The following TMEM161B variants were observed in gnomAD, a reference collection of about 807,000 sequenced individuals.
TMEM161B encodes the protein transmembrane protein 161B.
TMEM161B carries 34 observed loss-of-function variants against 61.8 expected under a neutral mutation model. That is an observed-to-expected ratio of 0.55 (90% CI 0.42 to 0.73). The LOEUF (loss-of-function observed/expected upper bound fraction) is 0.73, where lower values mean the gene tolerates loss of function less well. TMEM161B is among the 30% of genes least tolerant of loss of function. TMEM161B has a pLI of 0.00. For synonymous variants in TMEM161B, 167 were observed against 192.8 expected (o/e 0.87, Z 1.11); for missense variants, 456 against 558.5 (o/e 0.82, Z 1.85).
intron 4 of TMEM161B, among the ~76,000 whole-genome samples, chr5:88,224,343 T>C (rs1162601180): frequency 6.6e-6 from 1 of 152,200 alleles, no homozygotes; most frequent in Non-Finnish European, 1.5e-5. Flanking sequence ...CAAGTGGTTT[T>C]GATATATCCC....
intron 2 of TMEM161B, among the ~76,000 whole-genome samples, chr5:88,234,693 G>A (rs1751561206): frequency 6.6e-6 from 1 of 152,114 alleles, no homozygotes; most frequent in South Asian, 2.1e-4. Flanking sequence ...TTAGAATGTA[G>A]CATGTAGAAT....
intron 1 of TMEM161B, among the ~76,000 whole-genome samples, chr5:88,254,664 C>A (rs1754744190): frequency 6.6e-6 from 1 of 151,888 alleles, no homozygotes; most frequent in Non-Finnish European, 1.5e-5. Context: ...TAGCGAGACA[C>A]CCTTCTACCA....
rs1252509029 is a variant in TMEM161B, at chr5:88,195,537, T to C, written c.*674A>G. Reference sequence around the variant, plus strand: ...AAACCTAATGGCAAGATTACAAATGTTCATATGGCCAATCATTTTAAAAGA... The same window carrying C: ...AAACCTAATGGCAAGATTACAAATGCTCATATGGCCAATCATTTTAAAAGA... On this transcript the variant is annotated 3_prime_UTR_variant, in exon 12 of 12. Coordinates refer to ENST00000296595, the MANE Select transcript of TMEM161B (RefSeq NM_153354.5). 6 of 985,182 alleles carry C rather than the reference T, an allele frequency of 6.1e-6. No homozygotes were observed. The highest frequency in any genetic ancestry group is 7.2e-6 in the Non-Finnish European group (6 of 829,690). The allele number at this position is 985,182 out of a possible 1,614,324, so 61.0% of individuals were successfully genotyped here. A position where few individuals can be genotyped will look rare whatever the true frequency, so the allele number is the denominator to read the frequency against.
At chr5:88,234,112 G>A (rs780398) in intron 2 of TMEM161B, among the ~76,000 whole-genome samples, 108,596 of 152,002 alleles carry the variant, frequency 0.71, 38,897 homozygotes, top group South Asian at 0.77. Flanking sequence ...TTCTTTATTC[G>A]TTGTTGTTAC....
intron 4 of TMEM161B, among the ~76,000 whole-genome samples, chr5:88,224,090 T>C (rs1749541200): frequency 6.6e-6 from 1 of 152,176 alleles, no homozygotes. Context: ...TTAAGATTTT[T>C]TGATGGTGGT....
chr5:88,263,043 T>G (rs1755886380), intron 1 of TMEM161B, among the ~76,000 whole-genome samples: 1 of 152,152 alleles, frequency 6.6e-6, no homozygotes, highest in South Asian at 2.1e-4. Context: ...GTAAATAAAT[T>G]TATGGAAAGA....
At position 88,209,316 on chromosome 5, in the gene TMEM161B, A is replaced by T. The variant is rs540226100; in HGVS notation, c.447-2136T>A. Among the ~76,000 whole-genome samples, 3 of 152,292 alleles carry T rather than the reference A, an allele frequency of 2.0e-5. No individual in the cohort carries two copies. The East Asian group carries it at 5.8e-4, about 29-fold the overall frequency. ...AAATGCCTTAAACTCAGGTTTGAAA[A>T]ACACTGCTTTATTTTTACTGAAAAT... On this transcript the variant is annotated intron_variant, in intron 5 of 11. Transcript: ENST00000296595.
At chr5:88,239,172 C>G (rs1317488436) in intron 2 of TMEM161B, among the ~76,000 whole-genome samples, 2 of 151,946 alleles carry the variant, frequency 1.3e-5, no homozygotes, top group Admixed American at 1.3e-4. Flanking sequence ...TTTGATCTCT[C>G]AGGCTTTAGT....
At chr5:88,207,849 C>A (rs545470165) in intron 5 of TMEM161B, among the ~76,000 whole-genome samples, 2 of 152,218 alleles carry the variant, frequency 1.3e-5, no homozygotes, top group African/African-American at 4.8e-5. Flanking sequence ...CTTGAAATCG[C>A]AAAACAAACT....
Position 88,248,468 on chromosome 5 carries a change from A to G in TMEM161B, c.4-7552T>C, listed in dbSNP as rs1753904396. On this transcript the variant is annotated intron_variant, in intron 1 of 11. Transcript: ENST00000296595. ...ATGCCAAGTAATTTCTGATGTCCCCAAAAGTAAAAAAAGTCAGATAACACT... is the reference window on the plus strand; with the variant it reads ...ATGCCAAGTAATTTCTGATGTCCCCGAAAGTAAAAAAAGTCAGATAACACT... Among the ~76,000 whole-genome samples the G allele has an allele frequency of 1.3e-5, 2 of 152,088 alleles. 1 individual carries two copies. Among genetic ancestry groups the G allele is most frequent in the Admixed American group, 1.3e-4 (2 of 15,242 alleles).
intron 1 of TMEM161B, among the ~76,000 whole-genome samples, chr5:88,258,704 C>T (rs1227848000): frequency 6.6e-6 from 1 of 152,012 alleles, no homozygotes; most frequent in Non-Finnish European, 1.5e-5. Flanking sequence ...AGTAACAGAA[C>T]CTTGCTGTAT....
intron 5 of TMEM161B, among the ~76,000 whole-genome samples, chr5:88,220,120 C>A (rs886110411): frequency 6.6e-6 from 1 of 151,934 alleles, no homozygotes; most frequent in African/African-American, 2.4e-5. Context: ...TAATGCCTGG[C>A]TGTAAATAAT....
intron 5 of TMEM161B, among the ~76,000 whole-genome samples, chr5:88,209,875 C>T (rs1246539547): frequency 6.6e-6 from 1 of 152,186 alleles, no homozygotes; most frequent in Non-Finnish European, 1.5e-5. Flanking sequence ...CTTCCCTCCT[C>T]CTACCCAATC....
chr5:88,190,097 T>G, downstream of TMEM161B: 1 of 700,802 alleles, frequency 1.4e-6, no homozygotes, highest in Non-Finnish European at 2.6e-6. Flanking sequence ...CAGTTCGTGT[T>G]GGATAAGCCT....
intron 1 of TMEM161B, among the ~76,000 whole-genome samples, chr5:88,244,960 A>T (rs745643566): frequency 6.6e-6 from 1 of 151,802 alleles, no homozygotes; most frequent in Non-Finnish European, 1.5e-5. Context: ...GATGTATAGG[A>T]ATGCTACTGA....
intron 1 of TMEM161B, among the ~76,000 whole-genome samples, chr5:88,260,459 G>T (rs1755542464): frequency 6.6e-6 from 1 of 151,852 alleles, no homozygotes; most frequent in Non-Finnish European, 1.5e-5. Flanking sequence ...TTTTATTTTT[G>T]TGTTTTATAA....
chr5:88,229,590 G>A (rs370178833), intron 2 of TMEM161B, among the ~76,000 whole-genome samples: 1 of 149,764 alleles, frequency 6.7e-6, no homozygotes, highest in East Asian at 2.0e-4. Flanking sequence ...CATTTCCAAG[G>A]CTCCTCACAG....
intron 1 of TMEM161B, among the ~76,000 whole-genome samples, chr5:88,259,953 A>G (rs1189946554): frequency 1.3e-5 from 2 of 152,206 alleles, no homozygotes; most frequent in African/African-American, 4.8e-5. Context: ...CCTGGGTTAA[A>G]AGTCAAATTC....
intron 1 of TMEM161B, among the ~76,000 whole-genome samples, chr5:88,260,276 CCT>C (rs935246668): frequency 1.3e-5 from 2 of 152,166 alleles, no homozygotes; most frequent in African/African-American, 4.8e-5. Flanking sequence ...ACTGAATATT[CCT>C]CTCTTTGTAT....
Sources: allele counts gnomAD v4.1 joint callset (sites outside exome capture counted in the v4.1 genomes callset), GRCh38; gene constraint gnomAD v4.1.1; transcripts MANE v1.5; gene names NCBI Gene and HGNC (gene_info 2026-07-23, HGNC 2026-07-21).